The following ZNF318 variants were observed in gnomAD, a reference collection of about 807,000 sequenced individuals.
ZNF318 encodes the protein zinc finger protein 318.
ZNF318 carries 51 observed loss-of-function variants against 124.2 expected under a neutral mutation model. That is an observed-to-expected ratio of 0.41 (90% confidence interval 0.33 to 0.52). The LOEUF (loss-of-function observed/expected upper bound fraction) is 0.52, where lower values mean the gene tolerates loss of function less well. Ranked by LOEUF, ZNF318 falls within the 20% of genes least tolerant of loss-of-function variation. ZNF318 has a pLI of 0.23. For missense variants in ZNF318, 2,815 were observed against 2,811.2 expected, an observed-to-expected ratio of 1.00 and a Z score of -0.03; for synonymous variants, 1,090 against 1,040.7, an observed-to-expected ratio of 1.05 and a Z score of -0.91.
At chr6:43,346,420 G>A (rs1455897038) in intron 6 of ZNF318, among the ~76,000 whole-genome samples, 1 of 150,796 alleles carries the variant, frequency 6.6e-6, no homozygotes, top group East Asian at 2.0e-4. Flanking sequence ...GGCGGAGGTT[G>A]CAATGAGCCG....
chr6:43,356,263 T>A, intron 3 of ZNF318, 118 bp from the exon 4 acceptor site: 1 of 1,084,000 alleles, frequency 9.2e-7, no homozygotes, highest in South Asian at 1.7e-5. Context: ...CAAGTATGGA[T>A]AAAAGGGAGG....
chr6:43,341,230 T>C (rs937815555), intron 8 of ZNF318, among the ~76,000 whole-genome samples: 33 of 152,208 alleles, frequency 2.2e-4, no homozygotes, highest in African/African-American at 7.2e-4. Flanking sequence ...ATATAAAAAC[T>C]ATACTCCCAA....
chr6:43,352,164 A>C (rs1272046417), intron 5 of ZNF318, among the ~76,000 whole-genome samples: 2 of 56,848 alleles, frequency 3.5e-5, no homozygotes, highest in East Asian at 8.5e-4. Context: ...CATCATCATC[A>C]TCATCATCAT....
chr6:43,340,062 A>T lies in ZNF318; in HGVS notation c.3936T>A (p.Thr1312=), dbSNP rs757949485. Residue 1312 remains threonine (T), a synonymous_variant, in exon 10 of 10, where the codon ACT becomes ACA. Coordinates refer to ENST00000361428, the MANE Select transcript of ZNF318 (RefSeq NM_014345.3). Reference sequence around the variant, plus strand: ...TGATAGGCTTTGCCTTCCCAGCTTCAGTTTTGCCATCCTCTTTGTCCTTAC... The same window carrying T: ...TGATAGGCTTTGCCTTCCCAGCTTCTGTTTTGCCATCCTCTTTGTCCTTAC... ...ESSKDKEDGK[T]EAGKAKPIKI... 1.2e-6 allele frequency: 2 copies of T among 1,614,056 alleles called. No individual in the cohort carries two copies. Among genetic ancestry groups the T allele is most frequent in the Non-Finnish European group, 1.7e-6 (2 of 1,180,040 alleles).
chr6:43,340,295 C>A lies in ZNF318; in HGVS notation c.3703G>T (p.Asp1235Tyr), dbSNP rs144478939. The A allele has an allele frequency of 1.2e-6, 2 of 1,613,934 alleles. No homozygotes were observed. The highest frequency in any genetic ancestry group is 1.1e-5 in the South Asian group (1 of 91,056). Residue 1235 changes from aspartate to tyrosine, a missense_variant, in exon 10 of 10, where the codon GAC becomes TAC. Transcript: ENST00000361428. ...EDDKVSEKLE[D>Y]QLSEGRNSPE... ...GAGTTCCTACCCTCAGAGAGTTGGTCTTCTAATTTCTCAGAGACCTTGTCA... is the reference window on the plus strand; with the variant it reads ...GAGTTCCTACCCTCAGAGAGTTGGTATTCTAATTTCTCAGAGACCTTGTCA...
At chr6:43,347,396 T>C (rs757755537) in intron 6 of ZNF318, among the ~76,000 whole-genome samples, 5 of 152,162 alleles carry the variant, frequency 3.3e-5, no homozygotes, top group Admixed American at 1.3e-4. Context: ...ATGGAGATGA[T>C]AAGGTGCATG....
At chr6:43,345,679 C>T (rs530965178) in intron 6 of ZNF318, among the ~76,000 whole-genome samples, 10 of 152,208 alleles carry the variant, frequency 6.6e-5, no homozygotes, top group Non-Finnish European at 1.2e-4. Context: ...CCTAGGAAGA[C>T]ATGGAAAAAA....
In ZNF318 at chr6:43,338,413, A is replaced by G; in HGVS notation, c.5585T>C (p.Phe1862Ser). Residue 1862 changes from phenylalanine to serine, a missense_variant, in exon 10 of 10, where the codon TTC becomes TCC. Physicochemically the swap from Phe to Ser is radical, Grantham distance 155 (BLOSUM62 -2). This residue lies in a region of ZNF318 where 927 missense variants were observed against 820.6 expected (regional missense o/e 1.13). Coordinates refer to ENST00000361428, the MANE Select transcript of ZNF318 (RefSeq NM_014345.3). ...AAATGAGTCTAATTTTGCCTTTGTG[A>G]AAGAGCAAGCCTGTGGACTCAATTT... ...VIKLSPQACS[F>S]TKAKLDSFLS... is the part of the protein sequence containing the mutation. 6.2e-7 allele frequency: 1 copy of G among 1,614,204 alleles called. No individual in the cohort carries two copies. Among genetic ancestry groups the G allele is most frequent in the Non-Finnish European group, 8.5e-7 (1 of 1,180,036 alleles).
At chr6:43,353,451 T>C (rs1263788231) in intron 4 of ZNF318, among the ~76,000 whole-genome samples, 1 of 151,074 alleles carries the variant, frequency 6.6e-6, no homozygotes, top group Non-Finnish European at 1.5e-5. Flanking sequence ...CTCAGCTCAC[T>C]GCAACCTCCA....
In ZNF318 at chr6:43,357,308, T is replaced by C. The variant is rs1246090359; in HGVS notation, c.1006A>G (p.Ser336Gly). Residue 336 changes from serine to glycine, a missense_variant, in exon 3 of 10, where the codon AGT becomes GGT. Ser to Gly is a moderately conservative substitution (Grantham distance 56). Transcript: ENST00000361428. ...EEEEERSRSLSQELVGVDGGG... is the reference protein window; with the variant it reads ...EEEEERSRSLGQELVGVDGGG... Reference sequence around the variant, plus strand: ...CCATCAACTCCAACCAGCTCCTGACTCAAGCTCCTACTTCGCTCCTCCTCT... The same window carrying C: ...CCATCAACTCCAACCAGCTCCTGACCCAAGCTCCTACTTCGCTCCTCCTCT... 6.2e-7 allele frequency: 1 copy of C among 1,614,046 alleles called. No individual in the cohort carries two copies. Among genetic ancestry groups the C allele is most frequent in the African/African-American group, 1.3e-5 (1 of 74,920 alleles).
chr6:43,366,370 G>A (rs1230214519), intron 1 of ZNF318, among the ~76,000 whole-genome samples: 1 of 152,118 alleles, frequency 6.6e-6, no homozygotes, highest in Non-Finnish European at 1.5e-5. Context: ...TTATAGGAGG[G>A]TTTTACACAG....
rs1297304157 is a variant in ZNF318, at chr6:43,368,975, C to A, written c.391G>T (p.Gly131Cys). 2.8e-6 allele frequency: 4 copies of A among 1,419,256 alleles called. No homozygotes were observed. Among genetic ancestry groups the A allele is most frequent in the Non-Finnish European group, 3.7e-6 (4 of 1,083,638 alleles). The allele number at this position is 1,419,256 out of a possible 1,614,324, so 87.9% of individuals were successfully genotyped here. ...DGRGDHPGDSGSRRRSPGLCS... is the reference protein window; with the variant it reads ...DGRGDHPGDSCSRRRSPGLCS... ...ACGAGGGGTGGGATTACCCGGCTGCCGCTGTCGCCTGGATGGTCTCCGCGG... is the reference window on the plus strand; with the variant it reads ...ACGAGGGGTGGGATTACCCGGCTGCAGCTGTCGCCTGGATGGTCTCCGCGG... The change falls in exon 1 of 10, where the codon GGC (glycine) becomes TGC (cysteine). Residue 131 changes from glycine to cysteine, a missense_variant. By Grantham distance (159) the Gly-to-Cys change is radical. Around this residue, in one of 4 missense-constraint regions of ZNF318, gnomAD observed 1,377 missense variants for 1,353.5 expected, o/e 1.02. Transcript: ENST00000361428.
Position 43,338,395 on chromosome 6 carries a change from T to C in ZNF318, c.5603A>G (p.Asp1868Gly), listed in dbSNP as rs756463097. ...AGACCTAGCTTCTGATAAAAATGAG[T>C]CTAATTTTGCCTTTGTGAAAGAGCA... ...QACSFTKAKL[D>G]SFLSEARSLL... Residue 1868 changes from aspartate to glycine, a missense_variant, in exon 10 of 10, where the codon GAC becomes GGC. By Grantham distance (94) the Asp-to-Gly change is moderately conservative (BLOSUM62 -1). Coordinates refer to ENST00000361428, the MANE Select transcript of ZNF318 (RefSeq NM_014345.3). 4.3e-6 allele frequency: 7 copies of C among 1,613,960 alleles called. No individual in the cohort carries two copies. The South Asian group carries it at 7.7e-5, about 18-fold the overall frequency.
chr6:43,353,780 T>C (rs1028948581), intron 4 of ZNF318, among the ~76,000 whole-genome samples: 1 of 152,220 alleles, frequency 6.6e-6, no homozygotes, highest in African/African-American at 2.4e-5. Flanking sequence ...TAGTATGTAT[T>C]AACTCTTCCA....
intron 6 of ZNF318, among the ~76,000 whole-genome samples, chr6:43,347,099 T>C (rs1779458255): frequency 6.6e-6 from 1 of 152,148 alleles, no homozygotes; most frequent in African/African-American, 2.4e-5. Context: ...TAATTTAAGA[T>C]CCAATCTAAA....
intron 9 of ZNF318, 118 bp downstream of exon 9, chr6:43,340,672 A>G: frequency 1.3e-6 from 2 of 1,513,222 alleles, no homozygotes; most frequent in Non-Finnish European, 1.8e-6. Context: ...AGGAGAACTT[A>G]GAGGTTATAT....
chr6:43,350,359 C>A (rs963726031), intron 5 of ZNF318, among the ~76,000 whole-genome samples: 1 of 152,052 alleles, frequency 6.6e-6, no homozygotes, highest in Non-Finnish European at 1.5e-5. Flanking sequence ...AAATTTGGAA[C>A]AATTTGAGCA....
intron 2 of ZNF318, chr6:43,363,725 A>G (rs888793346): frequency 8.7e-6 from 5 of 575,750 alleles, no homozygotes; most frequent in Non-Finnish European, 1.5e-5. Flanking sequence ...TCTCTCAAGG[A>G]TGAGGTGTTG....
intron 2 of ZNF318, among the ~76,000 whole-genome samples, chr6:43,360,095 C>T (rs958193364): frequency 6.6e-6 from 1 of 152,076 alleles, no homozygotes; most frequent in Non-Finnish European, 1.5e-5. Flanking sequence ...GTGGCAAGTT[C>T]ATTCACACTC....
Sources: gnomAD v4.1 joint callset for allele counts (sites outside exome capture counted in the v4.1 genomes callset) on GRCh38, gnomAD v4.1.1 for gene constraint, gnomAD v4.1.1 regional missense constraint, MANE v1.5 for transcripts, NCBI Gene and HGNC (gene_info 2026-07-23, HGNC 2026-07-21) for gene names.